LIMD1: variants seen among roughly 807,000 people sequenced by gnomAD.
LIMD1 encodes the protein LIM domain-containing protein 1.
Under a neutral mutation model 58.4 loss-of-function variants are expected in LIMD1, and 23 were observed. The ratio of observed to expected loss-of-function variants is 0.39; its 90% confidence interval spans 0.28 to 0.56. The LOEUF is 0.56. Ranked by LOEUF, LIMD1 falls within the 20% of genes least tolerant of loss-of-function variation. The pLI is 0.57. For missense variants in LIMD1, 838 were observed against 855.5 expected (o/e 0.98, Z 0.25); for synonymous variants, 334 against 345.5 (o/e 0.97, Z 0.37).
In LIMD1 at chr3:45,596,096, T is replaced by A; in HGVS notation, c.1217T>A (p.Leu406Gln). The change falls in exon 1 of 8, where the codon CTG (leucine) becomes CAG (glutamine). Residue 406 changes from leucine (L) to glutamine (Q), a missense_variant. By Grantham distance (113) the Leu-to-Gln change is moderately radical. Transcript: ENST00000273317. The part of the protein sequence containing the change: ...LPELSCKEGP[L>Q]GWSSDGSLGS... ...GAGTTATCTTGTAAAGAGGGTCCCC[T>A]GGGCTGGTCTTCTGATGGTAGCCTG... is the stretch of plus-strand genomic sequence containing the variant. 1 of 1,614,208 alleles carries A rather than the reference T, an allele frequency of 6.2e-7. No homozygotes were observed. Among genetic ancestry groups the A allele is most frequent in the Non-Finnish European group, 8.5e-7 (1 of 1,180,034 alleles).
intron 1 of LIMD1, among the ~76,000 whole-genome samples, chr3:45,611,527 C>T (rs1003940444): frequency 1.3e-5 from 2 of 152,244 alleles, no homozygotes; most frequent in South Asian, 2.1e-4. Flanking sequence ...GATGGTGTTT[C>T]CTGTCCCAAG....
chr3:45,675,733 G>T (rs1697658237), intron 7 of LIMD1, among the ~76,000 whole-genome samples: 1 of 152,166 alleles, frequency 6.6e-6, no homozygotes, highest in African/African-American at 2.4e-5. Context: ...ATCCAGCCAG[G>T]CATGGGCCCA....
In LIMD1 at chr3:45,605,851, C is replaced by T. The variant is rs1203422237; in HGVS notation, c.1408+9564C>T. Among the ~76,000 whole-genome samples, 8 of 152,116 alleles carry T rather than the reference C, an allele frequency of 5.3e-5. No homozygotes were observed. The East Asian group carries it at 9.6e-4, about 18-fold the overall frequency. On this transcript the variant is annotated intron_variant, in intron 1 of 7. Transcript: ENST00000273317. ...CAGTCCTCTCCGTGGGCTCCTGTGG[C>T]GCCCTGGGTGTTGTTGGGTCTCAGG...
chr3:45,665,147 T>C (rs920844009), intron 2 of LIMD1, among the ~76,000 whole-genome samples: 1 of 152,088 alleles, frequency 6.6e-6, no homozygotes, highest in African/African-American at 2.4e-5. Flanking sequence ...CAACAATGTG[T>C]GTTTTCTACA....
chr3:45,616,631 A>C, intron 1 of LIMD1, among the ~76,000 whole-genome samples: 1 of 151,746 alleles, frequency 6.6e-6, no homozygotes. Context: ...GTTTCTTTCC[A>C]CTGCACAAGG....
At chr3:45,662,288 T>A (rs1003942394) in intron 2 of LIMD1, among the ~76,000 whole-genome samples, 1 of 152,022 alleles carries the variant, frequency 6.6e-6, no homozygotes, top group Admixed American at 6.6e-5. Flanking sequence ...TGTGTGTGTG[T>A]GTGTGTGTGT....
Position 45,665,737 on chromosome 3 carries a change from C to A in LIMD1, c.1578+20C>A, listed in dbSNP as rs1278936384. The A allele has an allele frequency of 6.2e-7, 1 of 1,610,618 alleles. No individual in the cohort carries two copies. The highest frequency in any genetic ancestry group is 1.7e-5 in the Admixed American group (1 of 59,970). On this transcript the variant is annotated intron_variant, in intron 3 of 7. Coordinates refer to ENST00000273317, the MANE Select transcript of LIMD1 (RefSeq NM_014240.3). ...TTCCTGGTGAGTGTGTCACCGAAGC[C>A]TCCCCTTGCATGTCCTGGCCAGAGT...
intron 2 of LIMD1, among the ~76,000 whole-genome samples, chr3:45,648,113 G>T (rs1444138311): frequency 6.6e-6 from 1 of 151,678 alleles, no homozygotes; most frequent in Non-Finnish European, 1.5e-5. Context: ...GAAAAATAGG[G>T]ACAGGGTTTA....
intron 1 of LIMD1, among the ~76,000 whole-genome samples, chr3:45,627,367 C>T (rs181087564): frequency 3.9e-4 from 60 of 152,250 alleles, no homozygotes; most frequent in African/African-American, 1.3e-3. Flanking sequence ...CCTGATTTTG[C>T]GCATTAGATT....
chr3:45,661,820 G>A (rs114565997), intron 2 of LIMD1, among the ~76,000 whole-genome samples: 3,683 of 152,320 alleles, frequency 0.024, 147 homozygotes, highest in African/African-American at 0.083. Flanking sequence ...GTGCACAGAC[G>A]TGATCTCAGC....
At chr3:45,640,255 C>G (rs1368174614) in intron 2 of LIMD1, among the ~76,000 whole-genome samples, 1 of 152,194 alleles carries the variant, frequency 6.6e-6, no homozygotes, top group Admixed American at 6.5e-5. Context: ...TGCCTCTGAT[C>G]ACATTGTTAT....
chr3:45,643,438 T>C (rs891445173), intron 2 of LIMD1, among the ~76,000 whole-genome samples: 3 of 151,704 alleles, frequency 2.0e-5, no homozygotes, highest in Non-Finnish European at 2.9e-5. Context: ...TGAGCCAAGA[T>C]TGCGCCACTG....
intron 1 of LIMD1, among the ~76,000 whole-genome samples, chr3:45,600,503 G>A (rs1701400683): frequency 6.6e-6 from 1 of 152,062 alleles, no homozygotes; most frequent in Admixed American, 6.6e-5. Flanking sequence ...ACTCTGCTGG[G>A]CCTACTTCCT....
At chr3:45,603,186 G>T (rs1350709069) in intron 1 of LIMD1, among the ~76,000 whole-genome samples, 7 of 152,140 alleles carry the variant, frequency 4.6e-5, no homozygotes, top group Non-Finnish European at 1.0e-4. Context: ...ATTAGCAATA[G>T]ATGCTTGAAA....
chr3:45,596,308 G>GT, intron 1 of LIMD1, 21 bp downstream of exon 1: 2 of 1,556,762 alleles, frequency 1.3e-6, no homozygotes, highest in Non-Finnish European at 1.7e-6. Flanking sequence ...GGCTGGTGGA[G>GT]TTGCCTATGG....
At position 45,677,194 on chromosome 3, in the gene LIMD1, G is replaced by A. The variant is rs1185387452; in HGVS notation, c.*135G>A. ...GGGAGAGTTCCTGTGAGCATGTGGG[G>A]GGTGCCTTTCCTTTAACCAGGGAGG... is the stretch of plus-strand genomic sequence containing the variant. On this transcript the variant is annotated 3_prime_UTR_variant, in exon 8 of 8. Coordinates refer to ENST00000273317, the MANE Select transcript of LIMD1 (RefSeq NM_014240.3). 1.0e-6 allele frequency: 1 copy of A among 971,896 alleles called. No individual in the cohort carries two copies. The highest frequency in any genetic ancestry group is 1.6e-5 in the African/African-American group (1 of 61,584). The allele number at this position is 971,896 out of a possible 1,614,324, so 60.2% of individuals were successfully genotyped here. A position where few individuals can be genotyped will look rare whatever the true frequency, so the allele number is the denominator to read the frequency against.
chr3:45,664,275 G>A (rs1030291012), intron 2 of LIMD1, among the ~76,000 whole-genome samples: 2 of 152,100 alleles, frequency 1.3e-5, no homozygotes, highest in African/African-American at 4.8e-5. Flanking sequence ...CAAAATGCTG[G>A]GACTACAGAC....
chr3:45,598,131 A>G (rs1336507817), intron 1 of LIMD1, among the ~76,000 whole-genome samples: 2 of 152,038 alleles, frequency 1.3e-5, no homozygotes, highest in Non-Finnish European at 2.9e-5. Context: ...CAGGGGAGGA[A>G]GGGGACGTGG....
intron 1 of LIMD1, among the ~76,000 whole-genome samples, chr3:45,626,334 A>C (rs1701667874): frequency 6.6e-6 from 1 of 152,182 alleles, no homozygotes; most frequent in Non-Finnish European, 1.5e-5. Flanking sequence ...ATTTGGCAAG[A>C]TGTCCTTCAG....
Sources: gnomAD v4.1 joint callset for allele counts (sites outside exome capture counted in the v4.1 genomes callset) on GRCh38, gnomAD v4.1.1 for gene constraint, MANE v1.5 for transcripts, NCBI Gene and HGNC (gene_info 2026-07-23, HGNC 2026-07-21) for gene names.